VPS54: variants seen among roughly 807,000 people sequenced by gnomAD.
VPS54 encodes vacuolar protein sorting-associated protein 54.
VPS54 carries 45 observed loss-of-function variants against 121.5 expected under a neutral mutation model. The observed-to-expected ratio is 0.37, with a 90% CI of 0.29 to 0.47. The LOEUF (loss-of-function observed/expected upper bound fraction) is 0.47. Among genes scored for constraint, VPS54 ranks in the 20% least tolerant of loss-of-function variants. The pLI is 0.99. For synonymous variants in VPS54, 371 were observed against 385.8 expected (o/e 0.96, Z 0.45); for missense variants, 1,090 against 1,131.4 (o/e 0.96, Z 0.52).
At chr2:63,924,798 A>C (rs1673819943) in intron 12 of VPS54, among the ~76,000 whole-genome samples, 4 of 152,240 alleles carry the variant, frequency 2.6e-5, no homozygotes, top group Admixed American at 2.6e-4. Context: ...TTATGTCAAG[A>C]GTGACATTAT....
At position 63,933,716 on chromosome 2, in the gene VPS54, C is replaced by T; in HGVS notation, c.1696G>A (p.Glu566Lys). The T allele has an allele frequency of 1.2e-6, 2 of 1,613,614 alleles. No homozygotes were observed. The highest frequency in any genetic ancestry group is 1.7e-6 in the Non-Finnish European group (2 of 1,179,770). Residue 566 changes from glutamate to lysine, a missense_variant, in exon 12 of 23, where the codon GAG becomes AAG. By Grantham distance (56) the Glu-to-Lys change is moderately conservative (BLOSUM62 1). Transcript: ENST00000272322. ...GGAATAGCAGATGATGATGTGTGCTCTTTGCTGGATGAAGAATCAGTAGTA... is the reference window on the plus strand; with the variant it reads ...GGAATAGCAGATGATGATGTGTGCTTTTTGCTGGATGAAGAATCAGTAGTA... ...ECTTDSSSSK[E>K]HTSSSAIPGG...
intron 1 of VPS54, among the ~76,000 whole-genome samples, chr2:63,995,162 CT>C (rs1359864415): frequency 1.3e-5 from 2 of 152,240 alleles, no homozygotes; most frequent in Non-Finnish European, 2.9e-5. Flanking sequence ...TACCGTCCCC[CT>C]CTCTCACTAT....
intron 3 of VPS54, chr2:63,975,214 A>G (rs1339345931): frequency 3.7e-6 from 2 of 535,776 alleles, no homozygotes; most frequent in East Asian, 5.8e-5. Context: ...TGAGACAGTG[A>G]AAGAGATCTG....
At chr2:63,976,930 G>C (rs1363318682) in intron 3 of VPS54, among the ~76,000 whole-genome samples, 1 of 145,964 alleles carries the variant, frequency 6.9e-6, no homozygotes, top group Admixed American at 7.1e-5. Context: ...CCAGGTTCAC[G>C]TGATTCTCTT....
intron 3 of VPS54, among the ~76,000 whole-genome samples, chr2:63,979,451 G>A (rs1056525375): frequency 2.6e-5 from 4 of 152,000 alleles, no homozygotes; most frequent in African/African-American, 9.7e-5. Flanking sequence ...ATGCTGGCCA[G>A]GCTGGTCTTG....
chr2:63,993,471 T>C (rs151077923), intron 1 of VPS54, among the ~76,000 whole-genome samples: 3 of 152,266 alleles, frequency 2.0e-5, no homozygotes, highest in East Asian at 3.9e-4. Flanking sequence ...ACTGGGCTAA[T>C]AGTTCAACAT....
intron 16 of VPS54, among the ~76,000 whole-genome samples, chr2:63,915,883 TCTC>T (rs1673358976): frequency 6.6e-6 from 1 of 152,216 alleles, no homozygotes; most frequent in African/African-American, 2.4e-5. Flanking sequence ...TAAGACCTCA[TCTC>T]TACCTTTGAG....
intron 12 of VPS54, among the ~76,000 whole-genome samples, chr2:63,929,014 T>C (rs1442626202): frequency 1.3e-5 from 2 of 152,070 alleles, no homozygotes; most frequent in Non-Finnish European, 2.9e-5. Context: ...CCCAGATTCA[T>C]AAAGCAAGTC....
chr2:63,937,952 G>A (rs1401303027), intron 11 of VPS54, among the ~76,000 whole-genome samples: 1 of 151,998 alleles, frequency 6.6e-6, no homozygotes. Flanking sequence ...CTAATAATCG[G>A]TGCACAGCAT....
chr2:63,916,986 G>T, intron 15 of VPS54, 23 bp from the exon 16 acceptor site: 1 of 1,611,706 alleles, frequency 6.2e-7, no homozygotes, highest in Non-Finnish European at 8.5e-7. Flanking sequence ...GCAAATAAAC[G>T]AGAGACAAGA....
chr2:64,007,946 C>T (rs1678243558), intron 1 of VPS54, among the ~76,000 whole-genome samples: 1 of 151,468 alleles, frequency 6.6e-6, no homozygotes, highest in Non-Finnish European at 1.5e-5. Flanking sequence ...AGCAATCCCA[C>T]TGAGGTTAAG....
intron 11 of VPS54, among the ~76,000 whole-genome samples, chr2:63,937,748 T>C (rs945263202): frequency 2.0e-5 from 3 of 152,174 alleles, no homozygotes; most frequent in Admixed American, 1.3e-4. Flanking sequence ...GCAACACAAA[T>C]GTCCATTGAT....
intron 1 of VPS54, among the ~76,000 whole-genome samples, chr2:64,008,885 A>G (rs912203878): frequency 6.6e-6 from 1 of 152,236 alleles, no homozygotes; most frequent in African/African-American, 2.4e-5. Context: ...GCTTACTTTC[A>G]GATGTTTTTG....
intron 3 of VPS54, among the ~76,000 whole-genome samples, chr2:63,975,795 T>G (rs1371893034): frequency 6.6e-6 from 1 of 152,206 alleles, no homozygotes; most frequent in Admixed American, 6.5e-5. Context: ...GGATTATTCA[T>G]TCTCTATTGA....
At position 63,920,641 on chromosome 2, in the gene VPS54, C is replaced by G. The variant is rs775657140; in HGVS notation, c.1870-14G>C. On this transcript the variant is annotated splice_polypyrimidine_tract_variant and intron_variant, in intron 13 of 22. Coordinates refer to ENST00000272322, the MANE Select transcript of VPS54 (RefSeq NM_016516.3). ...AAGAAAACCATCCTAAATTTTAATA[C>G]AAAAATCATGAGAGTTAGTGTAACA... 1 of 1,448,330 alleles carries G rather than the reference C, an allele frequency of 6.9e-7. No individual in the cohort carries two copies. The highest frequency in any genetic ancestry group is 1.5e-5 in the African/African-American group (1 of 68,212). The allele number at this position is 1,448,330 out of a possible 1,614,324, so 89.7% of individuals were successfully genotyped here. A position where few individuals can be genotyped will look rare whatever the true frequency, so the allele number is the denominator to read the frequency against.
At position 63,956,496 on chromosome 2, in the gene VPS54, C is replaced by T. The variant is rs373554764; in HGVS notation, c.1010+5562G>A. ...CTGGCTGCTGAGCAAACCTATAGCT[C>T]AATTGCCCACAGTTTGTACAATCAA... On this transcript the variant is annotated intron_variant, in intron 7 of 22. Coordinates refer to ENST00000272322, the MANE Select transcript of VPS54 (RefSeq NM_016516.3). Among the ~76,000 whole-genome samples, 34 of 152,250 alleles carry T rather than the reference C, an allele frequency of 2.2e-4. No homozygotes were observed. The East Asian group carries it at 6.0e-3, about 27-fold the overall frequency.
chr2:63,979,829 G>A (rs1378174598), intron 3 of VPS54, among the ~76,000 whole-genome samples: 1 of 151,828 alleles, frequency 6.6e-6, no homozygotes, highest in East Asian at 1.9e-4. Flanking sequence ...TTATACTGTG[G>A]TCAGAGAGCA....
intron 7 of VPS54, among the ~76,000 whole-genome samples, chr2:63,949,685 G>C (rs1402021688): frequency 2.0e-5 from 3 of 152,088 alleles, no homozygotes; most frequent in African/African-American, 7.2e-5. Flanking sequence ...GGAGAGGAGA[G>C]GTTGGTCTTG....
chr2:63,897,536 A>G lies in VPS54; in HGVS notation c.2788T>C (p.Ser930Pro). The part of the protein sequence containing the change: ...SYKLHLKKQL[S>P]HLNVINDGGP... The stretch of plus-strand genomic sequence containing the variant: ...CCATCATTTATCACATTTAAGTGAG[A>G]TAACTGCTTTTTCAAGTGGAGTTTA... Residue 930 changes from serine to proline, a missense_variant, in exon 22 of 23, where the codon TCT becomes CCT. This residue lies in a region of VPS54 where 289 missense variants were observed against 374.4 expected (regional missense o/e 0.77). Coordinates refer to ENST00000272322, the MANE Select transcript of VPS54 (RefSeq NM_016516.3). The G allele has an allele frequency of 6.2e-7, 1 of 1,601,012 alleles. No homozygotes were observed. Among genetic ancestry groups the G allele is most frequent in the South Asian group, 1.1e-5 (1 of 87,366 alleles).
Sources: gnomAD v4.1 joint callset for allele counts (sites outside exome capture counted in the v4.1 genomes callset) on GRCh38, gnomAD v4.1.1 for gene constraint, gnomAD v4.1.1 regional missense constraint, MANE v1.5 for transcripts, NCBI Gene and HGNC (gene_info 2026-07-23, HGNC 2026-07-21) for gene names.